CCNY: variants seen among roughly 807,000 people sequenced by gnomAD.
CCNY encodes cyclin-Y.
CCNY carries 19 observed loss-of-function variants against 42.8 expected under a neutral mutation model. The observed-to-expected ratio is 0.44, with a 90% CI of 0.31 to 0.65. The LOEUF is 0.65. CCNY is among the 30% of genes least tolerant of loss of function. The probability of loss-of-function intolerance (pLI) is 0.07; values close to 1 mark genes in which losing one functional copy is unlikely to be tolerated. For missense variants in CCNY, 370 were observed against 437.3 expected (o/e 0.85, Z 1.37); for synonymous variants, 165 against 162.7 (o/e 1.01, Z -0.11).
intron 1 of CCNY, among the ~76,000 whole-genome samples, chr10:35,355,318 A>G (rs928573523): frequency 6.6e-6 from 1 of 152,206 alleles, no homozygotes; most frequent in East Asian, 1.9e-4. Context: ...TCCCAAGCAT[A>G]GTAGAGCTAA....
At position 35,569,988 on chromosome 10, in the gene CCNY, C is replaced by A. The variant is rs949537458; in HGVS notation, c.*818C>A. 5.2e-5 allele frequency: 8 copies of A among 152,634 alleles called. No homozygotes were observed. Among genetic ancestry groups the A allele is most frequent in the African/African-American group, 1.7e-4 (7 of 41,378 alleles). 9.5% of individuals were successfully genotyped at this position (152,634 alleles called of 1,614,324 possible). ...TGACCTGAAGTTGTTGTTACAAAAT[C>A]AGTCAGACTTTGTGGGCTGAAGGAC... On this transcript the variant is annotated 3_prime_UTR_variant, in exon 10 of 10. Transcript: ENST00000374704.
At chr10:35,446,292 G>A (rs1838788786) in intron 1 of CCNY, among the ~76,000 whole-genome samples, 1 of 152,166 alleles carries the variant, frequency 6.6e-6, no homozygotes, top group African/African-American at 2.4e-5. Context: ...AAGGTAACAG[G>A]TCAGTGAGGT....
intron 1 of CCNY, among the ~76,000 whole-genome samples, chr10:35,401,218 G>C (rs1274479013): frequency 6.6e-6 from 1 of 152,232 alleles, no homozygotes; most frequent in Non-Finnish European, 1.5e-5. Flanking sequence ...GGTTTAATAA[G>C]AATAGAATAG....
At chr10:35,260,790 G>C (rs780530577) in intron 3 of CCNY, among the ~76,000 whole-genome samples, 1 of 152,224 alleles carries the variant, frequency 6.6e-6, no homozygotes, top group Non-Finnish European at 1.5e-5. Flanking sequence ...TCCATTTAAA[G>C]ATCGTGGCAG....
chr10:35,296,820 A>T (rs1170796659), intron 3 of CCNY, among the ~76,000 whole-genome samples: 4 of 152,320 alleles, frequency 2.6e-5, no homozygotes, highest in African/African-American at 9.6e-5. Flanking sequence ...TAAAAAGCCT[A>T]CCAACCAAGA....
intron 1 of CCNY, among the ~76,000 whole-genome samples, chr10:35,467,347 C>T (rs893294584): frequency 1.3e-5 from 2 of 152,156 alleles, no homozygotes; most frequent in African/African-American, 4.8e-5. Context: ...TCAGTGAATA[C>T]CCTGTTGGCC....
intron 3 of CCNY, among the ~76,000 whole-genome samples, chr10:35,316,861 G>A (rs915364087): frequency 2.0e-5 from 3 of 152,202 alleles, no homozygotes; most frequent in East Asian, 1.9e-4. Flanking sequence ...ATTACAAAGC[G>A]TGTAGACCAA....
chr10:35,283,339 C>T (rs548671142), intron 3 of CCNY, among the ~76,000 whole-genome samples: 1 of 151,848 alleles, frequency 6.6e-6, no homozygotes, highest in African/African-American at 2.4e-5. Flanking sequence ...TAGGGACACA[C>T]TGTGACTTGA....
At chr10:35,546,831 G>A (rs1463084490) in intron 7 of CCNY, among the ~76,000 whole-genome samples, 1 of 152,152 alleles carries the variant, frequency 6.6e-6, no homozygotes, top group Non-Finnish European at 1.5e-5. Context: ...ACTAAGGTAA[G>A]TTAAAAGTCA....
intron 1 of CCNY, among the ~76,000 whole-genome samples, chr10:35,247,640 G>A (rs2095708974): frequency 6.6e-6 from 1 of 151,624 alleles, no homozygotes; most frequent in Admixed American, 6.6e-5. Context: ...ACTTTGGGAG[G>A]CTGAGGCGGG....
intron 2 of CCNY, among the ~76,000 whole-genome samples, chr10:35,484,837 A>C (rs1418226336): frequency 2.0e-5 from 3 of 152,242 alleles, no homozygotes; most frequent in African/African-American, 7.2e-5. Context: ...CTTCATTCAG[A>C]AGATGTGCTA....
At chr10:35,250,005 TA>T (rs1404107919) in intron 2 of CCNY, among the ~76,000 whole-genome samples, 1 of 151,856 alleles carries the variant, frequency 6.6e-6, no homozygotes, top group African/African-American at 2.4e-5. Context: ...CCTTCCTGGC[TA>T]ACATGGTGAA....
chr10:35,256,119 A>G (rs900662577), intron 3 of CCNY, among the ~76,000 whole-genome samples: 2 of 152,212 alleles, frequency 1.3e-5, no homozygotes, highest in Non-Finnish European at 2.9e-5. Flanking sequence ...AAGATAGCAT[A>G]TAAGTGGATC....
chr10:35,373,444 T>TA (rs1836982219), intron 1 of CCNY, among the ~76,000 whole-genome samples: 1 of 152,244 alleles, frequency 6.6e-6, no homozygotes, highest in Non-Finnish European at 1.5e-5. Flanking sequence ...CCACCCCACT[T>TA]ATGTTGAGGG....
chr10:35,466,589 G>C (rs990419364), intron 1 of CCNY, among the ~76,000 whole-genome samples: 12 of 152,292 alleles, frequency 7.9e-5, no homozygotes, highest in Middle Eastern at 3.4e-3. Flanking sequence ...ACAGGCACTA[G>C]CATTTATCCT....
intron 7 of CCNY, among the ~76,000 whole-genome samples, chr10:35,543,293 C>G (rs1841042377): frequency 6.6e-6 from 1 of 151,958 alleles, no homozygotes; most frequent in Middle Eastern, 3.2e-3. Context: ...GCAAAATCAG[C>G]AAAAAGGGGA....
In CCNY at chr10:35,566,186, G is replaced by T; in HGVS notation, c.909+1G>T. On this transcript the variant is annotated splice_donor_variant, in intron 9 of 9. Coordinates refer to ENST00000374704, the MANE Select transcript of CCNY (RefSeq NM_145012.6). LOFTEE classifies it high-confidence loss of function. ...CAGGGAGAGGGCTCACAAGCTTGAG[G>T]TAAGATGGTTTAAAACAGCGTTTTG... is the stretch of plus-strand genomic sequence containing the variant. 6.2e-7 allele frequency: 1 copy of T among 1,612,524 alleles called. No individual in the cohort carries two copies. The highest frequency in any genetic ancestry group is 8.5e-7 in the Non-Finnish European group (1 of 1,179,502).
In CCNY at chr10:35,571,605, T is replaced by TA. The variant is rs558337033; in HGVS notation, c.*2436dup. 5.4e-4 allele frequency: 82 copies of TA among 152,498 alleles called. No individual in the cohort carries two copies. The highest frequency in any genetic ancestry group is 2.7e-3 in the Admixed American group (41 of 15,304). 9.4% of individuals were successfully genotyped at this position (152,498 alleles called of 1,614,324 possible). On this transcript the variant is annotated 3_prime_UTR_variant, in exon 10 of 10. Transcript: ENST00000374704. ...ATGAATCACTTGACACATAGGTAGA[T>TA]ACTTGAGGTTCATTTTCTTTTCTTT...
intron 1 of CCNY, among the ~76,000 whole-genome samples, chr10:35,462,254 T>G (rs1839171961): frequency 6.6e-6 from 1 of 152,238 alleles, no homozygotes; most frequent in African/African-American, 2.4e-5. Context: ...CCATGTTAGG[T>G]GGAGCTCGTT....
Sources: gnomAD v4.1 joint callset for allele counts (sites outside exome capture counted in the v4.1 genomes callset) on GRCh38, gnomAD v4.1.1 for gene constraint, MANE v1.5 for transcripts, NCBI Gene and HGNC (gene_info 2026-07-23, HGNC 2026-07-21) for gene names.